LRRC4C: variants seen among roughly 807,000 people sequenced by gnomAD.
The protein encoded by LRRC4C is leucine rich repeat containing 4C.
Under a neutral mutation model 33.6 loss-of-function variants are expected in LRRC4C, and 5 were observed. The ratio of observed to expected loss-of-function variants is 0.15; its 90% CI spans 0.08 to 0.31. The LOEUF is 0.31. Among genes scored for constraint, LRRC4C ranks in the 10% least tolerant of loss-of-function variants. The probability of loss-of-function intolerance (pLI) is 1.00; values close to 1 mark genes in which losing one functional copy is unlikely to be tolerated. For synonymous variants in LRRC4C, 329 were observed against 302.0 expected, an observed-to-expected ratio of 1.09 and a Z score of -0.93; for missense variants, 560 against 796.7, an observed-to-expected ratio of 0.70 and a Z score of 3.58.
chr11:40,873,530 T>C (rs1337274449), intron 2 of LRRC4C, among the ~76,000 whole-genome samples: 1 of 152,170 alleles, frequency 6.6e-6, no homozygotes, highest in African/African-American at 2.4e-5. Flanking sequence ...ACTCAGTTAC[T>C]GTAAGGGGTA....
At chr11:40,794,968 TACTC>T (rs1166907460) in intron 2 of LRRC4C, among the ~76,000 whole-genome samples, 1 of 152,200 alleles carries the variant, frequency 6.6e-6, no homozygotes, top group Non-Finnish European at 1.5e-5. Context: ...CCTTCCCTCT[TACTC>T]AATTCTTAGT....
intron 2 of LRRC4C, among the ~76,000 whole-genome samples, chr11:40,891,790 A>G (rs1955717508): frequency 6.6e-6 from 1 of 152,170 alleles, no homozygotes; most frequent in Non-Finnish European, 1.5e-5. Context: ...AAACTCTCAT[A>G]CACTGTTGGT....
At chr11:40,699,850 C>T (rs1028658317) in intron 2 of LRRC4C, among the ~76,000 whole-genome samples, 6 of 152,046 alleles carry the variant, frequency 3.9e-5, no homozygotes, top group Non-Finnish European at 8.8e-5. Context: ...TATCTTATTT[C>T]GGTGACTAAA....
At chr11:40,295,021 A>G (rs1944440055) in intron 4 of LRRC4C, among the ~76,000 whole-genome samples, 1 of 152,144 alleles carries the variant, frequency 6.6e-6, no homozygotes, top group Non-Finnish European at 1.5e-5. Flanking sequence ...TTCAGTTTGT[A>G]CAAGACATCC....
At chr11:40,224,451 C>A (rs1446975826) in intron 5 of LRRC4C, among the ~76,000 whole-genome samples, 1 of 152,142 alleles carries the variant, frequency 6.6e-6, no homozygotes, top group East Asian at 1.9e-4. Context: ...GTGGTGCCCA[C>A]AATAAATAAA....
intron 2 of LRRC4C, among the ~76,000 whole-genome samples, chr11:40,653,729 T>G (rs147226862): frequency 0.012 from 1,787 of 152,240 alleles, 36 homozygotes; most frequent in African/African-American, 0.04. Flanking sequence ...CCACAGAAAT[T>G]TGCATAAGTA....
chr11:41,094,788 G>A (rs899497016), intron 1 of LRRC4C, among the ~76,000 whole-genome samples: 2 of 151,968 alleles, frequency 1.3e-5, no homozygotes, highest in African/African-American at 4.8e-5. Context: ...ATGGTGACTA[G>A]CACATAACAG....
chr11:41,163,059 A>G (rs1441754289), intron 1 of LRRC4C, among the ~76,000 whole-genome samples: 2 of 152,042 alleles, frequency 1.3e-5, no homozygotes, highest in African/African-American at 4.8e-5. Flanking sequence ...GTCTCACAAG[A>G]TCTGATGGTT....
intron 1 of LRRC4C, among the ~76,000 whole-genome samples, chr11:41,084,273 G>A (rs1312388627): frequency 6.6e-6 from 1 of 152,150 alleles, no homozygotes; most frequent in African/African-American, 2.4e-5. Flanking sequence ...GGTTTCAAAT[G>A]TTGGCTAGCA....
At chr11:40,291,169 G>A (rs1317139221) in intron 4 of LRRC4C, among the ~76,000 whole-genome samples, 3 of 152,140 alleles carry the variant, frequency 2.0e-5, no homozygotes, top group African/African-American at 4.8e-5. Flanking sequence ...AGCGAAGGGG[G>A]AAGGGGAAAA....
At chr11:41,300,092 C>G (rs1950245835) in intron 1 of LRRC4C, among the ~76,000 whole-genome samples, 1 of 152,082 alleles carries the variant, frequency 6.6e-6, no homozygotes, top group Admixed American at 6.5e-5. Flanking sequence ...AATTAGGTAA[C>G]AGGTCAATGT....
At chr11:40,912,982 A>G (rs919286059) in intron 2 of LRRC4C, among the ~76,000 whole-genome samples, 1 of 152,258 alleles carries the variant, frequency 6.6e-6, no homozygotes, top group Non-Finnish European at 1.5e-5. Flanking sequence ...GGATCAATTC[A>G]ACAAGAAGAG....
At chr11:40,198,318 C>G (rs1030549083) in intron 5 of LRRC4C, among the ~76,000 whole-genome samples, 3 of 152,174 alleles carry the variant, frequency 2.0e-5, no homozygotes, top group African/African-American at 7.2e-5. Context: ...CATAAATCTA[C>G]AGCCACCTAT....
chr11:40,954,415 T>A (rs1176944382), intron 1 of LRRC4C, among the ~76,000 whole-genome samples: 2 of 151,886 alleles, frequency 1.3e-5, no homozygotes, highest in Non-Finnish European at 2.9e-5. Flanking sequence ...TCCCTATGAA[T>A]CAGCCTTGAG....
intron 1 of LRRC4C, among the ~76,000 whole-genome samples, chr11:41,234,332 T>C (rs12271950): frequency 0.037 from 5,615 of 152,156 alleles, 150 homozygotes; most frequent in African/African-American, 0.068. Flanking sequence ...AATTAACATA[T>C]TACATTACCT....
At chr11:40,477,194 A>G (rs1490064519) in intron 3 of LRRC4C, among the ~76,000 whole-genome samples, 5 of 152,164 alleles carry the variant, frequency 3.3e-5, no homozygotes, top group African/African-American at 1.2e-4. Context: ...CCCCTTTTAG[A>G]TTTGATTTTA....
rs199683324 is a variant in LRRC4C, at chr11:41,315,164, T to TCACA, written c.-496+144266_-496+144267insTGTG. On this transcript the variant is annotated intron_variant, in intron 1 of 6. Transcript: ENST00000528697. ...CATGAAAAAAAATGTGCACTGAAGA[T>TCACA]TGTCTGTGATCATGAGCAACTTGAG... is the stretch of plus-strand genomic sequence containing the variant. Among the ~76,000 whole-genome samples the TCACA allele has an allele frequency of 2.8e-3, 426 of 152,310 alleles. 6 individuals carry two copies. Among genetic ancestry groups the TCACA allele is most frequent in the East Asian group, 0.014 (72 of 5,182 alleles).
intron 1 of LRRC4C, among the ~76,000 whole-genome samples, chr11:41,378,833 T>C (rs1447269727): frequency 1.3e-5 from 2 of 152,098 alleles, no homozygotes; most frequent in Non-Finnish European, 2.9e-5. Flanking sequence ...TCATTTTTAA[T>C]GCAAGTTGAA....
intron 1 of LRRC4C, among the ~76,000 whole-genome samples, chr11:40,989,666 G>A (rs1292220496): frequency 6.6e-6 from 1 of 152,100 alleles, no homozygotes; most frequent in Non-Finnish European, 1.5e-5. Context: ...TATCTGGGTT[G>A]ATTTTGTGGG....
Sources: allele counts gnomAD v4.1 joint callset (sites outside exome capture counted in the v4.1 genomes callset), GRCh38; gene constraint gnomAD v4.1.1; transcripts MANE v1.5; gene names NCBI Gene and HGNC (gene_info 2026-07-23, HGNC 2026-07-21).